The following OR10J1 variants were observed in gnomAD, a reference collection of about 807,000 sequenced individuals.
The protein encoded by OR10J1 is olfactory receptor family 10 subfamily J member 1.
For missense variants in OR10J1, 474 were observed against 376.6 expected, an observed-to-expected ratio of 1.26 and a Z score of -2.14; for synonymous variants, 202 against 143.8, an observed-to-expected ratio of 1.40 and a Z score of -2.89.
the OR10J1 span, among the ~76,000 whole-genome samples, chr1:159,413,584 C>G: frequency 6.6e-6 from 1 of 151,076 alleles, no homozygotes; most frequent in Non-Finnish European, 1.5e-5. Flanking sequence ...TAAGCTATCA[C>G]AAGAACAAAA....
upstream of OR10J1, among the ~76,000 whole-genome samples, chr1:159,439,459 G>A (rs1283293998): frequency 2.6e-5 from 4 of 152,150 alleles, no homozygotes; most frequent in Admixed American, 2.6e-4. Context: ...TCTCTGAAGA[G>A]TAGGAAAGAA....
chr1:159,431,107 G>A, the OR10J1 span, among the ~76,000 whole-genome samples: 1 of 152,150 alleles, frequency 6.6e-6, no homozygotes, highest in East Asian at 1.9e-4. Context: ...CACGGAACGG[G>A]GAGACTCGGG....
Position 159,439,745 on chromosome 1 carries a change from A to T in OR10J1, c.-47A>T, listed in dbSNP as rs2101708883. 1 of 1,610,874 alleles carries T rather than the reference A, an allele frequency of 6.2e-7. No individual in the cohort carries two copies. Among genetic ancestry groups the T allele is most frequent in the South Asian group, 1.1e-5 (1 of 90,888 alleles). On this transcript the variant is annotated 5_prime_UTR_variant, in exon 1 of 1. Transcript: ENST00000423932. ...AATGTGCTTCTACTGCTTTACTGGG[A>T]CTATGTGACTTTTATGCTTTTATGT...
At chr1:159,436,277 T>C (rs2101704596), upstream of OR10J1, among the ~76,000 whole-genome samples, 2 of 152,272 alleles carry the variant, frequency 1.3e-5, no homozygotes, top group South Asian at 2.1e-4. Flanking sequence ...CTTCATCTGT[T>C]ACAAGAAGAA....
chr1:159,418,287 C>A, the OR10J1 span, among the ~76,000 whole-genome samples: 1 of 152,164 alleles, frequency 6.6e-6, no homozygotes, highest in Non-Finnish European at 1.5e-5. Flanking sequence ...TTTGCAGCAG[C>A]CCCTCCCACC....
At chr1:159,425,916 G>T in the OR10J1 span, among the ~76,000 whole-genome samples, 12 of 151,872 alleles carry the variant, frequency 7.9e-5, no homozygotes, top group African/African-American at 2.7e-4. Flanking sequence ...GCCTCCAAAA[G>T]GCAAGAATTA....
At chr1:159,435,508 A>G (rs1418104123), upstream of OR10J1, among the ~76,000 whole-genome samples, 3 of 152,194 alleles carry the variant, frequency 2.0e-5, no homozygotes, top group Non-Finnish European at 4.4e-5. Context: ...TTATTATCCA[A>G]ATATTATCAA....
At chr1:159,405,646 G>A in the OR10J1 span, 1 of 459,000 alleles carries the variant, frequency 2.2e-6, no homozygotes, top group Non-Finnish European at 4.2e-6. Context: ...TATGAGATGG[G>A]AGGTGCAGGT....
At chr1:159,431,480 C>A in the OR10J1 span, among the ~76,000 whole-genome samples, 1 of 152,146 alleles carries the variant, frequency 6.6e-6, no homozygotes, top group Admixed American at 6.6e-5. Flanking sequence ...AGGTATGTCC[C>A]TTTGCACTGG....
the OR10J1 span, among the ~76,000 whole-genome samples, chr1:159,431,633 C>T: frequency 1.3e-5 from 2 of 152,156 alleles, no homozygotes; most frequent in Non-Finnish European, 2.9e-5. Flanking sequence ...TACATACAGT[C>T]GCTGACTTTA....
At chr1:159,436,071 G>A (rs111947606), upstream of OR10J1, among the ~76,000 whole-genome samples, 7 of 152,092 alleles carry the variant, frequency 4.6e-5, no homozygotes, top group Non-Finnish European at 1.0e-4. Context: ...TGGTATACCT[G>A]TCCTTTTTGC....
Position 159,440,653 on chromosome 1 carries a change from G to A in OR10J1, c.862G>A (p.Val288Ile), listed in dbSNP as rs1286821995. 3.1e-6 allele frequency: 5 copies of A among 1,613,824 alleles called. No homozygotes were observed. Among genetic ancestry groups the A allele is most frequent in the Non-Finnish European group, 4.2e-6 (5 of 1,179,994 alleles). ...TVITPLLNPV[V>I]YTLRNKEVKD... ...CATCACTCCCCTACTGAACCCTGTG[G>A]TATACACCCTGAGAAATAAAGAGGT... Residue 288 changes from valine (V) to isoleucine (I), a missense_variant, in exon 1 of 1, where the codon GTA (valine) becomes ATA (isoleucine). Physicochemically the swap from Val to Ile is conservative, Grantham distance 29. Transcript: ENST00000423932.
the OR10J1 span, among the ~76,000 whole-genome samples, chr1:159,418,354 CT>C: frequency 3.3e-5 from 5 of 152,104 alleles, no homozygotes; most frequent in African/African-American, 1.2e-4. Flanking sequence ...CCAGGGACCC[CT>C]GTTATGCACA....
At chr1:159,428,139 CTATAAGTGTTAGTATTGAAT>C in the OR10J1 span, among the ~76,000 whole-genome samples, 1 of 152,024 alleles carries the variant, frequency 6.6e-6, no homozygotes, top group African/African-American at 2.4e-5. Context: ...AAAAATGTAT[CTATAAGTGTTAGTATTGAAT>C]ATTATATTTC....
chr1:159,406,935 G>A, the OR10J1 span, among the ~76,000 whole-genome samples: 3 of 152,128 alleles, frequency 2.0e-5, no homozygotes, highest in Non-Finnish European at 2.9e-5. Context: ...GATGACTAGT[G>A]CAAGGCCAGG....
chr1:159,398,558 T>C, the OR10J1 span, among the ~76,000 whole-genome samples: 1 of 152,066 alleles, frequency 6.6e-6, no homozygotes, highest in African/African-American at 2.4e-5. Flanking sequence ...AACAAAGAGA[T>C]TGAAATAATT....
upstream of OR10J1, among the ~76,000 whole-genome samples, chr1:159,436,310 C>T (rs748435848): frequency 4.6e-5 from 7 of 152,050 alleles, no homozygotes; most frequent in Non-Finnish European, 1.0e-4. Context: ...TGTAAATAAT[C>T]AGAGAGTTGG....
At chr1:159,407,886 A>T in the OR10J1 span, among the ~76,000 whole-genome samples, 1 of 151,992 alleles carries the variant, frequency 6.6e-6, no homozygotes, top group Non-Finnish European at 1.5e-5. Flanking sequence ...AGAGTCCCTG[A>T]TGTTAAATAA....
chr1:159,426,750 AT>A, the OR10J1 span, among the ~76,000 whole-genome samples: 7 of 151,932 alleles, frequency 4.6e-5, no homozygotes, highest in Admixed American at 1.3e-4. Context: ...TTATGTAAAT[AT>A]TTTTTTCATG....
Sources: gnomAD v4.1 joint callset for allele counts (sites outside exome capture counted in the v4.1 genomes callset) on GRCh38, gnomAD v4.1.1 for gene constraint, MANE v1.5 for transcripts, NCBI Gene and HGNC (gene_info 2026-07-23, HGNC 2026-07-21) for gene names.